Variants in ACSS3 observed in about 807,000 individuals in gnomAD.
The protein encoded by ACSS3 is acyl-CoA synthetase short chain family member 3.
In ACSS3, 64 loss-of-function variants were observed where a neutral mutation model predicts 84.2. The observed-to-expected ratio is 0.76, with a 90% confidence interval of 0.62 to 0.94. ACSS3 has a LOEUF of 0.94. ACSS3 is among the 40% of genes least tolerant of loss of function. The probability of loss-of-function intolerance (pLI) is 0.00; values close to 1 mark genes in which losing one functional copy is unlikely to be tolerated. For missense variants in ACSS3, 815 were observed against 867.6 expected (o/e 0.94, Z 0.76); for synonymous variants, 317 against 310.1 (o/e 1.02, Z -0.23).
chr12:81,246,396 G>T (rs942146437), intron 13 of ACSS3, among the ~76,000 whole-genome samples: 4 of 152,152 alleles, frequency 2.6e-5, no homozygotes, highest in African/African-American at 9.7e-5. Context: ...ACCAGACACA[G>T]CAGGCTCTTA....
At position 81,140,289 on chromosome 12, in the gene ACSS3, C is replaced by T. The variant is rs77355612; in HGVS notation, c.780+1024C>T. 5.9e-5 allele frequency among the ~76,000 whole-genome samples: 9 copies of T among 152,282 alleles called. No homozygotes were observed. The East Asian group carries it at 1.5e-3, about 26-fold the overall frequency. On this transcript the variant is annotated intron_variant, in intron 4 of 15. Coordinates refer to ENST00000548058, the MANE Select transcript of ACSS3 (RefSeq NM_024560.4). ...ATAAGATATCAATGAATACAATTTA[C>T]CGTACTTTTCCTGTAACTTTGAACT...
chr12:81,204,888 T>A (rs2032278628), intron 9 of ACSS3, among the ~76,000 whole-genome samples: 1 of 152,142 alleles, frequency 6.6e-6, no homozygotes, highest in African/African-American at 2.4e-5. Context: ...TCTTAGATAA[T>A]TCACAGAATT....
intron 2 of ACSS3, among the ~76,000 whole-genome samples, chr12:81,118,991 C>G (rs115847815): frequency 0.014 from 2,100 of 152,228 alleles, 46 homozygotes; most frequent in African/African-American, 0.048. Flanking sequence ...ATTGGGGGAA[C>G]CCACCCCCGA....
rs547492741 is a variant in ACSS3, at chr12:81,204,460, C to T, written c.1354+5016C>T. Among the ~76,000 whole-genome samples, 29 of 150,226 alleles carry T rather than the reference C, an allele frequency of 1.9e-4. No individual in the cohort carries two copies. In the South Asian group the frequency reaches 6.3e-3, roughly 32 times the overall value. ...TTATTTCTTCTTTCCTTCATTCATTCCTATTTGCTATAAGATATGGTATTG... is the reference window on the plus strand; with the variant it reads ...TTATTTCTTCTTTCCTTCATTCATTTCTATTTGCTATAAGATATGGTATTG... On this transcript the variant is annotated intron_variant, in intron 9 of 15. Transcript: ENST00000548058.
chr12:81,243,363 T>C (rs1317794049), intron 13 of ACSS3, among the ~76,000 whole-genome samples: 1 of 152,068 alleles, frequency 6.6e-6, no homozygotes, highest in Non-Finnish European at 1.5e-5. Flanking sequence ...TAAAAGAGGA[T>C]ACAAAGAAAT....
At chr12:81,206,541 G>A (rs2032356677) in intron 9 of ACSS3, among the ~76,000 whole-genome samples, 1 of 152,012 alleles carries the variant, frequency 6.6e-6, no homozygotes, top group Admixed American at 6.6e-5. Context: ...GAGAAGTTGT[G>A]ATGGGGGAAA....
chr12:81,126,019 G>A (rs1294507779), intron 2 of ACSS3, among the ~76,000 whole-genome samples: 1 of 152,120 alleles, frequency 6.6e-6, no homozygotes, highest in Non-Finnish European at 1.5e-5. Flanking sequence ...TTTTAAAGAG[G>A]ATGAACATTT....
At chr12:81,093,960 T>A (rs1183063252) in intron 1 of ACSS3, among the ~76,000 whole-genome samples, 10 of 152,188 alleles carry the variant, frequency 6.6e-5, no homozygotes, top group Non-Finnish European at 1.5e-4. Flanking sequence ...TTTTTTTCAC[T>A]TGTAAGAAGT....
At chr12:81,179,048 G>T (rs2030708114) in intron 8 of ACSS3, among the ~76,000 whole-genome samples, 1 of 151,932 alleles carries the variant, frequency 6.6e-6, no homozygotes, top group Admixed American at 6.5e-5. Flanking sequence ...AATTGAGAAA[G>T]GACTCCATTC....
At chr12:81,197,638 T>C (rs1012834215) in intron 8 of ACSS3, among the ~76,000 whole-genome samples, 2 of 152,210 alleles carry the variant, frequency 1.3e-5, no homozygotes, top group Non-Finnish European at 2.9e-5. Flanking sequence ...TGTCTTTCAC[T>C]GTTAGACCTT....
At chr12:81,238,459 A>C (rs572214556) in intron 13 of ACSS3, among the ~76,000 whole-genome samples, 1 of 151,940 alleles carries the variant, frequency 6.6e-6, no homozygotes, top group Admixed American at 6.6e-5. Flanking sequence ...GAATTAACTG[A>C]TGAATTGGTA....
At chr12:81,153,442 G>C (rs899597497) in intron 7 of ACSS3, among the ~76,000 whole-genome samples, 2 of 151,598 alleles carry the variant, frequency 1.3e-5, no homozygotes, top group Non-Finnish European at 2.9e-5. Context: ...AATTGGGAAT[G>C]GCTAGTCTGA....
rs575256261 is a variant in ACSS3 at position 81,111,524 on chromosome 12, G to A, written c.456+1820G>A. Among the ~76,000 whole-genome samples, 16 of 152,260 alleles carry A rather than the reference G, an allele frequency of 1.1e-4. No homozygotes were observed. The South Asian group carries it at 3.3e-3, about 32-fold the overall frequency. Reference sequence around the variant, plus strand: ...CCATCCCCCTAACAGTCTCCATCTGGCAACTTCCATTTAACCTAAAGCAAA... The same window carrying A: ...CCATCCCCCTAACAGTCTCCATCTGACAACTTCCATTTAACCTAAAGCAAA... On this transcript the variant is annotated intron_variant, in intron 2 of 15. Coordinates refer to ENST00000548058, the MANE Select transcript of ACSS3 (RefSeq NM_024560.4).
At chr12:81,089,184 A>G (rs746304467) in intron 1 of ACSS3, among the ~76,000 whole-genome samples, 5 of 151,940 alleles carry the variant, frequency 3.3e-5, no homozygotes, top group Admixed American at 6.6e-5. Flanking sequence ...AACACTTGGA[A>G]ATTTACTCCT....
intron 11 of ACSS3, among the ~76,000 whole-genome samples, chr12:81,221,138 T>G (rs997090992): frequency 1.3e-5 from 2 of 152,002 alleles, no homozygotes; most frequent in Non-Finnish European, 2.9e-5. Flanking sequence ...ACTTTAAAAT[T>G]TATATGCTAG....
At chr12:81,220,144 G>A in intron 11 of ACSS3, 68 bp downstream of exon 11, 1 of 953,966 alleles carries the variant, frequency 1.0e-6, no homozygotes. Context: ...GAAAAAATGG[G>A]GTCATTGCAG....
intron 7 of ACSS3, among the ~76,000 whole-genome samples, chr12:81,158,025 A>G (rs1385754614): frequency 6.6e-6 from 1 of 152,042 alleles, no homozygotes; most frequent in East Asian, 1.9e-4. Context: ...AGATTAACAT[A>G]CAAATATTCA....
chr12:81,250,943 C>T (rs2034130970), intron 13 of ACSS3, among the ~76,000 whole-genome samples: 1 of 152,162 alleles, frequency 6.6e-6, no homozygotes, highest in South Asian at 2.1e-4. Context: ...AAAGTTGTCT[C>T]TCTGATCTCA....
chr12:81,221,003 C>A (rs541384126), intron 11 of ACSS3, among the ~76,000 whole-genome samples: 7 of 152,056 alleles, frequency 4.6e-5, no homozygotes, highest in African/African-American at 1.4e-4. Context: ...TTATAAAGTT[C>A]CTGACTTAGC....
Sources: gnomAD v4.1 joint callset for allele counts (sites outside exome capture counted in the v4.1 genomes callset) on GRCh38, gnomAD v4.1.1 for gene constraint, MANE v1.5 for transcripts, NCBI Gene and HGNC (gene_info 2026-07-23, HGNC 2026-07-21) for gene names.